Variants in GALNTL6 observed in about 807,000 individuals in gnomAD.
The protein encoded by GALNTL6 is polypeptide N-acetylgalactosaminyltransferase-like 6.
In GALNTL6, 46 loss-of-function variants were observed where a neutral mutation model predicts 73.7. The ratio of observed to expected loss-of-function variants is 0.62; its 90% CI spans 0.49 to 0.80. GALNTL6 has a LOEUF of 0.80. Ranked by LOEUF, GALNTL6 falls within the 30% of genes least tolerant of loss-of-function variation. The pLI is 0.00. For synonymous variants in GALNTL6, 259 were observed against 263.7 expected, an observed-to-expected ratio of 0.98 and a Z score of 0.17; for missense variants, 604 against 755.0, an observed-to-expected ratio of 0.80 and a Z score of 2.34.
intron 5 of GALNTL6, among the ~76,000 whole-genome samples, chr4:172,569,968 G>C (rs563720171): frequency 1.3e-5 from 2 of 152,342 alleles, no homozygotes; most frequent in South Asian, 2.1e-4. Flanking sequence ...ATAGTACCAG[G>C]AGGAAGGAGG....
intron 2 of GALNTL6, among the ~76,000 whole-genome samples, chr4:171,820,440 A>C (rs1394445703): frequency 1.3e-5 from 2 of 152,252 alleles, no homozygotes; most frequent in African/African-American, 2.4e-5. Flanking sequence ...TTCATTTAGC[A>C]ACAGACATAC....
At chr4:172,890,944 C>G (rs901286371) in intron 8 of GALNTL6, among the ~76,000 whole-genome samples, 1 of 152,050 alleles carries the variant, frequency 6.6e-6, no homozygotes, top group African/African-American at 2.4e-5. Flanking sequence ...TATGTAATGA[C>G]CTTCTTTGCC....
At chr4:172,212,949 G>A (rs1736377118) in intron 2 of GALNTL6, among the ~76,000 whole-genome samples, 2 of 152,160 alleles carry the variant, frequency 1.3e-5, no homozygotes, top group African/African-American at 4.8e-5. Flanking sequence ...GGGATTACAG[G>A]CGTGAGCCAC....
At chr4:172,835,987 C>A (rs1007272763) in intron 7 of GALNTL6, among the ~76,000 whole-genome samples, 4 of 152,172 alleles carry the variant, frequency 2.6e-5, no homozygotes, top group African/African-American at 7.2e-5. Context: ...TGAACCTCCA[C>A]CTGCTGATGG....
chr4:172,458,938 G>A (rs921769558), intron 5 of GALNTL6, among the ~76,000 whole-genome samples: 4 of 152,114 alleles, frequency 2.6e-5, no homozygotes, highest in Non-Finnish European at 4.4e-5. Flanking sequence ...CAATATCCTC[G>A]ATGAATATCG....
intron 2 of GALNTL6, among the ~76,000 whole-genome samples, chr4:171,911,666 A>G (rs182849040): frequency 8.1e-4 from 123 of 152,318 alleles, no homozygotes; most frequent in Non-Finnish European, 1.4e-3. Context: ...GAAAGTGTAG[A>G]TGAGAGGCAT....
intron 5 of GALNTL6, among the ~76,000 whole-genome samples, chr4:172,577,214 C>G (rs1736989107): frequency 6.6e-6 from 1 of 152,216 alleles, no homozygotes; most frequent in South Asian, 2.1e-4. Context: ...TATAGCACTA[C>G]TGACACAGTA....
chr4:172,563,332 C>T (rs144611665), intron 5 of GALNTL6, among the ~76,000 whole-genome samples: 14 of 148,330 alleles, frequency 9.4e-5, no homozygotes, highest in Middle Eastern at 6.8e-3. Context: ...ACAGGAGCCA[C>T]GATATGAGGA....
intron 5 of GALNTL6, among the ~76,000 whole-genome samples, chr4:172,701,985 AAAAG>A (rs1367357052): frequency 4.6e-5 from 7 of 152,092 alleles, no homozygotes; most frequent in Non-Finnish European, 8.8e-5. Context: ...ACATCAGACA[AAAAG>A]AAATCAAAAC....
intron 5 of GALNTL6, among the ~76,000 whole-genome samples, chr4:172,586,230 A>G (rs1737403193): frequency 1.3e-5 from 2 of 152,230 alleles, no homozygotes; most frequent in Admixed American, 6.5e-5. Flanking sequence ...GAATTAATAA[A>G]TAAGTGCTAA....
chr4:172,964,052 C>A (rs1182495472), intron 10 of GALNTL6, among the ~76,000 whole-genome samples: 1 of 152,054 alleles, frequency 6.6e-6, no homozygotes, highest in East Asian at 1.9e-4. Flanking sequence ...GGATTCTGAA[C>A]CATGGAATAA....
intron 2 of GALNTL6, among the ~76,000 whole-genome samples, chr4:172,095,718 T>A (rs1032688599): frequency 6.6e-6 from 1 of 152,166 alleles, no homozygotes; most frequent in African/African-American, 2.4e-5. Flanking sequence ...TTAAAGGGCT[T>A]ATTGCAATCA....
At chr4:172,174,935 T>C (rs929999564) in intron 2 of GALNTL6, among the ~76,000 whole-genome samples, 1 of 152,226 alleles carries the variant, frequency 6.6e-6, no homozygotes, top group South Asian at 2.1e-4. Flanking sequence ...CAATAGTTGG[T>C]ACATACACAG....
chr4:172,916,496 C>T (rs2111278917), intron 8 of GALNTL6, among the ~76,000 whole-genome samples: 1 of 152,222 alleles, frequency 6.6e-6, no homozygotes, highest in African/African-American at 2.4e-5. Flanking sequence ...ATTTAGAAAA[C>T]CCCATTGTCT....
Position 172,508,231 on chromosome 4 carries a change from C to G in GALNTL6, c.553+159542C>G, listed in dbSNP as rs1734406158. On this transcript the variant is annotated intron_variant, in intron 5 of 12. Coordinates refer to ENST00000506823, the MANE Select transcript of GALNTL6 (RefSeq NM_001034845.3). ...AGAATAATCAGGACTGATATGTAAC[C>G]AATACACATTAGTATGACCTATATA... is the stretch of plus-strand genomic sequence containing the variant. 3.7e-5 allele frequency among the ~76,000 whole-genome samples: 2 copies of G among 54,792 alleles called. 1 individual carries two copies. Among genetic ancestry groups the G allele is most frequent in the African/African-American group, 9.1e-5 (2 of 21,902 alleles). The allele number at this position is 54,792 out of a possible 152,430, so 35.9% of individuals were successfully genotyped here.
chr4:172,129,203 A>G (rs1733387924), intron 2 of GALNTL6, among the ~76,000 whole-genome samples: 1 of 152,228 alleles, frequency 6.6e-6, no homozygotes, highest in Non-Finnish European at 1.5e-5. Context: ...AATTAGCAGC[A>G]TTACATTATC....
At chr4:172,176,943 TTGA>T (rs1451238358) in intron 2 of GALNTL6, among the ~76,000 whole-genome samples, 14 of 152,160 alleles carry the variant, frequency 9.2e-5, no homozygotes, top group Admixed American at 4.6e-4. Context: ...TACTGATGAG[TTGA>T]TGATATATTT....
In GALNTL6 at chr4:172,203,179, A is replaced by C. The variant is rs532715226; in HGVS notation, c.139-26477A>C. Among the ~76,000 whole-genome samples, 4 of 152,334 alleles carry C rather than the reference A, an allele frequency of 2.6e-5. No homozygotes were observed. The South Asian group carries it at 8.3e-4, about 32-fold the overall frequency. On this transcript the variant is annotated intron_variant, in intron 2 of 12. Transcript: ENST00000506823. The stretch of plus-strand genomic sequence containing the variant: ...TTTTTTAGCATGATAGAATGAGGAC[A>C]TAAAAATGTGACCATATAGCTATAT...
chr4:172,206,805 G>GTTTGTTGTTTTT (rs1554003003), intron 2 of GALNTL6, among the ~76,000 whole-genome samples: 5 of 26,170 alleles, frequency 1.9e-4, no homozygotes, highest in African/African-American at 4.7e-4. Context: ...TTGTTTTTCT[G>GTTTGTTGTTTTT]TTTTTTTTGT....
Sources: gnomAD v4.1 joint callset for allele counts (sites outside exome capture counted in the v4.1 genomes callset) on GRCh38, gnomAD v4.1.1 for gene constraint, MANE v1.5 for transcripts, NCBI Gene and HGNC (gene_info 2026-07-23, HGNC 2026-07-21) for gene names.